ATRNL1: variants seen among roughly 807,000 people sequenced by gnomAD.
The protein encoded by ATRNL1 is attractin-like protein 1.
ATRNL1 carries 95 observed loss-of-function variants against 182.7 expected under a neutral mutation model. The ratio of observed to expected loss-of-function variants is 0.52; its 90% confidence interval spans 0.44 to 0.62. ATRNL1 has a LOEUF of 0.62. ATRNL1 is among the 20% of genes least tolerant of loss of function. The probability of loss-of-function intolerance (pLI) is 0.00; values close to 1 mark genes in which losing one functional copy is unlikely to be tolerated. For missense variants in ATRNL1, 1,471 were observed against 1,679.5 expected (o/e 0.88, Z 2.17); for synonymous variants, 576 against 568.3 (o/e 1.01, Z -0.19).
At chr10:115,403,545 C>G (rs1037415321) in intron 20 of ATRNL1, among the ~76,000 whole-genome samples, 1 of 151,990 alleles carries the variant, frequency 6.6e-6, no homozygotes, top group African/African-American at 2.4e-5. Flanking sequence ...AACCTCCACT[C>G]TCTGGGTTCA....
intron 1 of ATRNL1, among the ~76,000 whole-genome samples, chr10:115,107,033 C>T (rs1844042214): frequency 6.6e-6 from 1 of 152,090 alleles, no homozygotes; most frequent in African/African-American, 2.4e-5. Flanking sequence ...TATAAGGAAC[C>T]CATTCCCCTG....
intron 9 of ATRNL1, among the ~76,000 whole-genome samples, chr10:115,233,953 T>A (rs181341230): frequency 9.2e-5 from 14 of 152,078 alleles, no homozygotes; most frequent in Middle Eastern, 6.8e-3. Context: ...GAGATATTCA[T>A]GTCAGCTCTT....
intron 21 of ATRNL1, among the ~76,000 whole-genome samples, chr10:115,448,502 T>C (rs1431753601): frequency 6.6e-6 from 1 of 152,056 alleles, no homozygotes; most frequent in Non-Finnish European, 1.5e-5. Context: ...CATACCAGAA[T>C]CTCTGGGATA....
chr10:115,552,064 T>C (rs1339349335), intron 26 of ATRNL1, among the ~76,000 whole-genome samples: 1 of 151,540 alleles, frequency 6.6e-6, no homozygotes, highest in Non-Finnish European at 1.5e-5. Flanking sequence ...ACATAGTATA[T>C]ATAGGGCTTA....
intron 12 of ATRNL1, among the ~76,000 whole-genome samples, chr10:115,267,902 C>T (rs1354599383): frequency 6.6e-6 from 1 of 152,080 alleles, no homozygotes; most frequent in African/African-American, 2.4e-5. Context: ...GCTGGAATTA[C>T]AGGCATGTGC....
intron 26 of ATRNL1, among the ~76,000 whole-genome samples, chr10:115,663,345 G>C (rs74158221): frequency 0.012 from 1,770 of 152,070 alleles, 36 homozygotes; most frequent in African/African-American, 0.04. Flanking sequence ...TCAGCCATTT[G>C]CAACATTTTT....
chr10:115,111,851 G>A (rs1241053483), intron 1 of ATRNL1, among the ~76,000 whole-genome samples: 1 of 152,040 alleles, frequency 6.6e-6, no homozygotes, highest in Admixed American at 6.6e-5. Flanking sequence ...TGGCCATAAT[G>A]GGCTAATATT....
chr10:115,408,608 T>A (rs1405819263), intron 20 of ATRNL1, among the ~76,000 whole-genome samples: 2 of 152,216 alleles, frequency 1.3e-5, no homozygotes, highest in Non-Finnish European at 2.9e-5. Context: ...CTTTGTTGCC[T>A]GTGCTTTTGA....
At chr10:115,474,851 G>C (rs782539829) in intron 24 of ATRNL1, among the ~76,000 whole-genome samples, 1 of 151,318 alleles carries the variant, frequency 6.6e-6, no homozygotes. Flanking sequence ...TGCTATCAAA[G>C]TATGGACTGA....
At chr10:115,107,838 G>A (rs1554866486) in intron 1 of ATRNL1, among the ~76,000 whole-genome samples, 1 of 152,118 alleles carries the variant, frequency 6.6e-6, no homozygotes, top group African/African-American at 2.4e-5. Flanking sequence ...CAGTGACTGG[G>A]GAGGCTAAGG....
intron 28 of ATRNL1, among the ~76,000 whole-genome samples, chr10:115,870,091 A>G (rs546673080): frequency 2.7e-5 from 4 of 149,318 alleles, no homozygotes; most frequent in South Asian, 2.1e-4. Context: ...TGAAGCTAGT[A>G]TGTATGAACC....
At chr10:115,765,306 T>A (rs1373803938) in intron 27 of ATRNL1, among the ~76,000 whole-genome samples, 2 of 152,206 alleles carry the variant, frequency 1.3e-5, no homozygotes, top group Non-Finnish European at 2.9e-5. Flanking sequence ...GAATTCCTGT[T>A]GTTTTATGTA....
chr10:115,673,826 C>T lies in ATRNL1; in HGVS notation c.3796-53422C>T, dbSNP rs151243568. Among the ~76,000 whole-genome samples the T allele has an allele frequency of 3.9e-5, 6 of 152,160 alleles. No homozygotes were observed. The East Asian group carries it at 9.7e-4, about 25-fold the overall frequency. ...ATAACCATTGGAATGGAAAAGAATTCATGTGTGTTCCTTCCAAGGCTAGAT... is the reference window on the plus strand; with the variant it reads ...ATAACCATTGGAATGGAAAAGAATTTATGTGTGTTCCTTCCAAGGCTAGAT... On this transcript the variant is annotated intron_variant, in intron 26 of 28. Transcript: ENST00000355044.
At chr10:115,824,723 C>T (rs1480314812) in intron 27 of ATRNL1, among the ~76,000 whole-genome samples, 1 of 152,072 alleles carries the variant, frequency 6.6e-6, no homozygotes, top group Non-Finnish European at 1.5e-5. Context: ...AATGAGATAC[C>T]ATCTCACACC....
At chr10:115,885,820 C>T (rs547074806) in intron 28 of ATRNL1, among the ~76,000 whole-genome samples, 2 of 152,184 alleles carry the variant, frequency 1.3e-5, no homozygotes, top group East Asian at 3.9e-4. Flanking sequence ...TTGGTAGTCC[C>T]TAAATTATTT....
intron 27 of ATRNL1, among the ~76,000 whole-genome samples, chr10:115,767,222 A>G (rs1948878171): frequency 6.6e-6 from 1 of 152,164 alleles, no homozygotes; most frequent in African/African-American, 2.4e-5. Flanking sequence ...TAGCCTAAAT[A>G]ATTTCAGAAC....
chr10:115,698,998 A>G (rs1399317711), intron 26 of ATRNL1, among the ~76,000 whole-genome samples: 1 of 152,140 alleles, frequency 6.6e-6, no homozygotes, highest in Admixed American at 6.5e-5. Context: ...TTTTTAATCT[A>G]TATTAGCAAC....
chr10:115,417,620 A>G (rs920380960), intron 20 of ATRNL1, among the ~76,000 whole-genome samples: 19 of 152,144 alleles, frequency 1.2e-4, no homozygotes, highest in Admixed American at 6.5e-5. Context: ...CCAGCCTCAG[A>G]TTTGGCCCCT....
intron 19 of ATRNL1, among the ~76,000 whole-genome samples, chr10:115,356,648 T>TG (rs1463247640): frequency 6.6e-6 from 1 of 151,842 alleles, no homozygotes; most frequent in African/African-American, 2.4e-5. Flanking sequence ...AAAGTTCCCC[T>TG]GGGGAACTTT....
Sources: allele counts gnomAD v4.1 joint callset (sites outside exome capture counted in the v4.1 genomes callset), GRCh38; gene constraint gnomAD v4.1.1; transcripts MANE v1.5; gene names NCBI Gene and HGNC (gene_info 2026-07-23, HGNC 2026-07-21).